RADIL: variants seen among roughly 807,000 people sequenced by gnomAD.
RADIL encodes the protein ras-associating and dilute domain-containing protein.
Under a neutral mutation model 97.6 loss-of-function variants are expected in RADIL, and 99 were observed. The ratio of observed to expected loss-of-function variants is 1.01; its 90% CI spans 0.86 to 1.20. The LOEUF is 1.20. Among genes scored for constraint, RADIL ranks in the 50% most tolerant of loss-of-function variants. The pLI is 0.00. For missense variants in RADIL, 1,765 were observed against 1,498.9 expected (o/e 1.18, Z -2.93); for synonymous variants, 803 against 691.8 (o/e 1.16, Z -2.52).
rs1782823886 is a variant in RADIL, at chr7:4,821,292, G to A, written c.1615+1102C>T. On this transcript the variant is annotated intron_variant, in intron 6 of 14. Transcript: ENST00000399583. This position sits in a 1 kb window ranked among gnomAD's most constrained non-coding sequence, Gnocchi z 5.2. ...CAGATGTGAGGGCAGTGGGTGGACA[G>A]CAAGGCCGTTGGGGGCAGAACCAAG... is the stretch of plus-strand genomic sequence containing the variant. Among the ~76,000 whole-genome samples the A allele has an allele frequency of 6.6e-6, 1 of 152,208 alleles. No individual in the cohort carries two copies.
rs559084677 is a variant in RADIL at position 4,875,123 on chromosome 7, C to T, written c.535+2482G>A. 3.9e-3 allele frequency among the ~76,000 whole-genome samples: 555 copies of T among 143,200 alleles called. 5 individuals carry two copies. Among genetic ancestry groups the T allele is most frequent in the Non-Finnish European group, 4.3e-3 (293 of 67,856 alleles). The allele number at this position is 143,200 out of a possible 152,430, so 93.9% of individuals were successfully genotyped here. A position where few individuals can be genotyped will look rare whatever the true frequency, so the allele number is the denominator to read the frequency against. On this transcript the variant is annotated intron_variant, in intron 2 of 14. Transcript: ENST00000399583. ...AGGAGAATGGCGTGAACCCGGGAGG[C>T]GGAGCTTGCAGTGAGCCGAGATTGT...
intron 2 of RADIL, among the ~76,000 whole-genome samples, chr7:4,851,941 G>C (rs1353851241): frequency 6.6e-6 from 1 of 152,208 alleles, no homozygotes; most frequent in East Asian, 1.9e-4. Context: ...AAATGACTCA[G>C]TAGAGTCAGG....
intron 2 of RADIL, among the ~76,000 whole-genome samples, chr7:4,876,894 C>A (rs1482434050): frequency 6.6e-6 from 1 of 152,214 alleles, no homozygotes; most frequent in Non-Finnish European, 1.5e-5. Context: ...TAGGTTTTGG[C>A]CTGGGACAGA....
Position 4,883,070 on chromosome 7 carries a change from G to C in RADIL, c.-65+526C>G, listed in dbSNP as rs1314075114. ...ATAAATAGCCGGGAAACAATGCTTT[G>C]AGCTGGCGCACGAGTGGGGATCGGG... is the stretch of plus-strand genomic sequence containing the variant. On this transcript the variant is annotated intron_variant, in intron 1 of 14. Coordinates refer to ENST00000399583, the MANE Select transcript of RADIL (RefSeq NM_018059.5). The surrounding 1 kb of genome is among the most constrained non-coding windows in gnomAD (Gnocchi z 7.1). Among the ~76,000 whole-genome samples the C allele has an allele frequency of 6.6e-6, 1 of 152,234 alleles. No homozygotes were observed. Among genetic ancestry groups the C allele is most frequent in the Non-Finnish European group, 1.5e-5 (1 of 68,024 alleles).
At chr7:4,809,246 G>C (rs1782463673) in intron 9 of RADIL, 1 of 985,224 alleles carries the variant, frequency 1.0e-6, no homozygotes, top group Non-Finnish European at 1.2e-6. Context: ...GCTCGGGCCT[G>C]GCCGCCAAGC....
intron 5 of RADIL, 142 bp downstream of exon 5, chr7:4,831,999 A>T (rs757457644): frequency 7.2e-5 from 60 of 837,874 alleles, no homozygotes; most frequent in Non-Finnish European, 1.1e-4. Context: ...GAAGCAAAAA[A>T]GGCCGCTGCT....
chr7:4,869,440 A>C (rs1339272543), intron 2 of RADIL, among the ~76,000 whole-genome samples: 1 of 152,080 alleles, frequency 6.6e-6, no homozygotes, highest in Non-Finnish European at 1.5e-5. Flanking sequence ...ACCACTTTGC[A>C]CTTTTTAAGC....
intron 4 of RADIL, among the ~76,000 whole-genome samples, chr7:4,832,921 C>T (rs1231989104): frequency 6.6e-6 from 1 of 152,154 alleles, no homozygotes; most frequent in African/African-American, 2.4e-5. Flanking sequence ...AAATGATATT[C>T]GCATGGGATC....
chr7:4,861,743 ACGCCGTAGCGATTCGGCGGCGG>A, intron 2 of RADIL: 3 of 1,507,744 alleles, frequency 2.0e-6, no homozygotes, highest in Non-Finnish European at 2.7e-6. Context: ...AGGCGAGGAG[ACGCCGTAGCGATTCGGCGGCGG>A]CGCCGGCTGC....
rs913913801 is a variant in RADIL, at chr7:4,799,769, G to A, written c.2983C>T (p.His995Tyr). 1.3e-6 allele frequency: 2 copies of A among 1,526,860 alleles called. No individual in the cohort carries two copies. The highest frequency in any genetic ancestry group is 1.8e-6 in the Non-Finnish European group (2 of 1,142,178). The allele number at this position is 1,526,860 out of a possible 1,614,324, so 94.6% of individuals were successfully genotyped here. Reference sequence around the variant, plus strand: ...AGCCCGGGGGCGCCCAGGTGCGTGTGCTGGGGACAAGCAGAGGCCTCAGAG... The same window carrying A: ...AGCCCGGGGGCGCCCAGGTGCGTGTACTGGGGACAAGCAGAGGCCTCAGAG... ...GLGMGLIDGMHTHLGAPGLYI... is the reference protein window; with the variant it reads ...GLGMGLIDGMYTHLGAPGLYI... The change falls in exon 14 of 15, where the codon CAC (histidine) becomes TAC (tyrosine). Residue 995 changes from histidine to tyrosine, a missense_variant and splice_region_variant. Coordinates refer to ENST00000399583, the MANE Select transcript of RADIL (RefSeq NM_018059.5).
rs1782963262 is a variant in RADIL at position 4,825,913 on chromosome 7, A to AATGAAAT, written c.1455-3366_1455-3360dup. Among the ~76,000 whole-genome samples the AATGAAAT allele has an allele frequency of 2.7e-5, 4 of 147,570 alleles. No individual in the cohort carries two copies. In the South Asian group the frequency reaches 8.6e-4, roughly 32 times the overall value. On this transcript the variant is annotated intron_variant, in intron 5 of 14. Transcript: ENST00000399583. Reference sequence around the variant, plus strand: ...AAAAAAAAAAAAAAAAAAAAAGGGAAATGAAATGGTGAATATGTTGCAGGA... The same window carrying AATGAAAT: ...AAAAAAAAAAAAAAAAAAAAAGGGAAATGAAATATGAAATGGTGAATATGTTGCAGGA...
At chr7:4,836,266 G>A in intron 3 of RADIL, 92 bp downstream of exon 3, 2 of 1,526,586 alleles carry the variant, frequency 1.3e-6, no homozygotes, top group East Asian at 2.5e-5. Context: ...GCGGCCGACT[G>A]GGCTAAAGGC....
In RADIL at chr7:4,873,324, C is replaced by T. The variant is rs910623026; in HGVS notation, c.535+4281G>A. On this transcript the variant is annotated intron_variant, in intron 2 of 14. Transcript: ENST00000399583. This position sits in a 1 kb window ranked among gnomAD's most constrained non-coding sequence, Gnocchi z 4.3. ...CTGGGGCTGGACTCGTTAACACAAA[C>T]GTACATGGTCACACATGCATGCACA... 3.9e-5 allele frequency among the ~76,000 whole-genome samples: 6 copies of T among 152,182 alleles called. No individual in the cohort carries two copies. The highest frequency in any genetic ancestry group is 1.9e-4 in the East Asian group (1 of 5,184).
At chr7:4,860,992 G>A (rs528143281) in intron 2 of RADIL, 33 of 1,614,184 alleles carry the variant, frequency 2.0e-5, no homozygotes, top group Non-Finnish European at 2.6e-5. Flanking sequence ...ATACCAAGAA[G>A]AATTTCCGTA....
chr7:4,805,040 G>A (rs1782251249), intron 10 of RADIL, among the ~76,000 whole-genome samples: 1 of 152,168 alleles, frequency 6.6e-6, no homozygotes, highest in African/African-American at 2.4e-5. Flanking sequence ...GTTGCAGTGA[G>A]CTGAGATTGC....
At chr7:4,811,490 T>C (rs1341222214) in intron 9 of RADIL, among the ~76,000 whole-genome samples, 9 of 130,322 alleles carry the variant, frequency 6.9e-5, no homozygotes, top group East Asian at 4.4e-4. Context: ...TTTTTTTTTT[T>C]TTTTTTTTTT....
At chr7:4,861,791 G>C in intron 2 of RADIL, 1 of 1,453,802 alleles carries the variant, frequency 6.9e-7, no homozygotes. Flanking sequence ...TCCCTGGGTT[G>C]TCACCGGAAA....
rs957568373 is a variant in RADIL, at chr7:4,837,781, G to T, written c.536-1176C>A. On this transcript the variant is annotated intron_variant, in intron 2 of 14. Transcript: ENST00000399583. The surrounding 1 kb of genome is among the most constrained non-coding windows in gnomAD (Gnocchi z 5.6). Reference sequence around the variant, plus strand: ...ATAAATACAGACACGCTCTCTAAATGCATGCTCTGGGAAAGCCAGCCGGCT... The same window carrying T: ...ATAAATACAGACACGCTCTCTAAATTCATGCTCTGGGAAAGCCAGCCGGCT... The T allele has an allele frequency of 8.6e-6, 8 of 933,072 alleles. No individual in the cohort carries two copies. Among genetic ancestry groups the T allele is most frequent in the African/African-American group, 3.6e-5 (2 of 55,900 alleles). 57.8% of individuals were successfully genotyped at this position (933,072 alleles called of 1,614,324 possible). A position where few individuals can be genotyped will look rare whatever the true frequency, so the allele number is the denominator to read the frequency against.
chr7:4,806,538 A>C lies in RADIL; in HGVS notation c.2140-822T>G, dbSNP rs565792602. Among the ~76,000 whole-genome samples the C allele has an allele frequency of 1.6e-4, 24 of 152,338 alleles. No homozygotes were observed. The South Asian group carries it at 2.3e-3, about 14-fold the overall frequency. On this transcript the variant is annotated intron_variant, in intron 9 of 14. Coordinates refer to ENST00000399583, the MANE Select transcript of RADIL (RefSeq NM_018059.5). ...AAGCCTACACCGTAAGGAAGGGTGGATCCCTCCAATAAAATTAAACAGCCT... is the reference window on the plus strand; with the variant it reads ...AAGCCTACACCGTAAGGAAGGGTGGCTCCCTCCAATAAAATTAAACAGCCT...
Sources: allele counts gnomAD v4.1 joint callset (sites outside exome capture counted in the v4.1 genomes callset), GRCh38; gene constraint gnomAD v4.1.1; non-coding constraint Gnocchi (gnomAD v3.1); transcripts MANE v1.5; gene names NCBI Gene and HGNC (gene_info 2026-07-23, HGNC 2026-07-21).